The following SEMA3A variants were observed in gnomAD, a reference collection of about 807,000 sequenced individuals.
The protein encoded by SEMA3A is semaphorin 3A.
In SEMA3A, 29 loss-of-function variants were observed where a neutral mutation model predicts 97.9. The observed-to-expected ratio is 0.30, with a 90% CI of 0.22 to 0.40. The LOEUF is 0.40. Among genes scored for constraint, SEMA3A ranks in the 10% least tolerant of loss-of-function variants. SEMA3A has a pLI of 1.00. For synonymous variants in SEMA3A, 321 were observed against 323.7 expected (o/e 0.99, Z 0.09); for missense variants, 763 against 951.3 (o/e 0.80, Z 2.60).
chr7:84,442,184 T>C (rs1055192518), intron 1 of SEMA3A, among the ~76,000 whole-genome samples: 2 of 152,192 alleles, frequency 1.3e-5, no homozygotes, highest in Non-Finnish European at 2.9e-5. Flanking sequence ...ATTATGTATT[T>C]GCCTAAAACT....
At chr7:84,214,325 T>C (rs146869276) in intron 3 of SEMA3A, among the ~76,000 whole-genome samples, 50 of 152,318 alleles carry the variant, frequency 3.3e-4, no homozygotes, top group African/African-American at 1.1e-3. Flanking sequence ...TGGACTTACA[T>C]TGTATGTCTC....
intron 5 of SEMA3A, among the ~76,000 whole-genome samples, chr7:84,048,840 T>A (rs1190023451): frequency 6.6e-6 from 1 of 152,030 alleles, no homozygotes; most frequent in Non-Finnish European, 1.5e-5. Flanking sequence ...TCCATAATTA[T>A]GATGTTTATT....
chr7:84,439,242 G>A (rs562519767), intron 1 of SEMA3A, among the ~76,000 whole-genome samples: 14 of 152,096 alleles, frequency 9.2e-5, no homozygotes, highest in African/African-American at 3.4e-4. Context: ...TAGAGAGGGA[G>A]AATATGCACA....
chr7:84,122,026 G>C (rs1329478014), intron 3 of SEMA3A, among the ~76,000 whole-genome samples: 1 of 149,594 alleles, frequency 6.7e-6, no homozygotes, highest in Non-Finnish European at 1.5e-5. Context: ...TAATCCTTTG[G>C]GTATATACCC....
chr7:84,104,248 T>A lies in SEMA3A; in HGVS notation c.453+6222A>T, dbSNP rs79918095. Among the ~76,000 whole-genome samples, 1,325 of 152,242 alleles carry A rather than the reference T, an allele frequency of 8.7e-3. 22 individuals are homozygous for A. The highest frequency in any genetic ancestry group is 0.03 in the African/African-American group (1,266 of 41,576). On this transcript the variant is annotated intron_variant, in intron 4 of 16. Coordinates refer to ENST00000265362, the MANE Select transcript of SEMA3A (RefSeq NM_006080.3). ...TACTATAGATAATATATTATTTTAA[T>A]AGGTGATTGGGAATGGCATTATTGT...
chr7:84,033,789 G>C (rs1476183189), intron 6 of SEMA3A, among the ~76,000 whole-genome samples: 1 of 151,790 alleles, frequency 6.6e-6, no homozygotes, highest in Non-Finnish European at 1.5e-5. Flanking sequence ...AATACAACTG[G>C]GTGGGCCCTG....
At chr7:84,277,016 A>G (rs1288859019) in intron 3 of SEMA3A, among the ~76,000 whole-genome samples, 3 of 152,076 alleles carry the variant, frequency 2.0e-5, no homozygotes, top group Middle Eastern at 3.2e-3. Context: ...TTATGGCTTT[A>G]CATGTACCTA....
chr7:84,466,910 A>G (rs561334176), intron 1 of SEMA3A, among the ~76,000 whole-genome samples: 63 of 152,330 alleles, frequency 4.1e-4, no homozygotes, highest in Non-Finnish European at 7.9e-4. Flanking sequence ...CTCTTTTCAA[A>G]GAAAGTTCTT....
chr7:84,057,672 G>A (rs1481844735), intron 5 of SEMA3A, among the ~76,000 whole-genome samples: 1 of 151,980 alleles, frequency 6.6e-6, no homozygotes, highest in Non-Finnish European at 1.5e-5. Context: ...GGCTGAGGTA[G>A]GAGAATTGCT....
chr7:84,441,187 A>C (rs1468415666), intron 1 of SEMA3A, among the ~76,000 whole-genome samples: 2 of 151,632 alleles, frequency 1.3e-5, no homozygotes, highest in Admixed American at 1.3e-4. Flanking sequence ...ATAAAAATAA[A>C]AATAAAAAAA....
At chr7:84,135,940 T>C (rs1371356876) in intron 1 of SEMA3A, among the ~76,000 whole-genome samples, 2 of 152,208 alleles carry the variant, frequency 1.3e-5, no homozygotes, top group African/African-American at 4.8e-5. Context: ...AATATACCTA[T>C]ACTTTAGTGA....
chr7:84,131,756 TA>T (rs1311311147), intron 2 of SEMA3A, among the ~76,000 whole-genome samples: 2 of 147,318 alleles, frequency 1.4e-5, no homozygotes, highest in Non-Finnish European at 3.0e-5. Flanking sequence ...ACACTCCAAA[TA>T]TATGTATAAA....
chr7:84,044,202 C>T (rs74606358), intron 6 of SEMA3A, among the ~76,000 whole-genome samples: 3,027 of 151,850 alleles, frequency 0.02, 40 homozygotes, highest in Non-Finnish European at 0.029. Context: ...AATTTTGCCT[C>T]TGCACACATC....
chr7:84,265,916 T>C (rs1160145196), intron 3 of SEMA3A, among the ~76,000 whole-genome samples: 2 of 152,174 alleles, frequency 1.3e-5, no homozygotes, highest in Non-Finnish European at 2.9e-5. Flanking sequence ...GCTAGAAAAT[T>C]TTTAGGATTA....
chr7:84,263,452 T>G (rs2115670523), intron 3 of SEMA3A, among the ~76,000 whole-genome samples: 1 of 152,344 alleles, frequency 6.6e-6, no homozygotes, highest in South Asian at 2.1e-4. Context: ...TTTGCATTAC[T>G]TTTAGTTTCC....
chr7:84,339,636 T>C (rs955976318), intron 2 of SEMA3A, among the ~76,000 whole-genome samples: 3 of 152,200 alleles, frequency 2.0e-5, no homozygotes, highest in Non-Finnish European at 4.4e-5. Flanking sequence ...AGTTGAAGAA[T>C]ATAAGTGTGG....
In SEMA3A at chr7:84,129,123, C is replaced by T. The variant is rs188749255; in HGVS notation, c.333G>A (p.Leu111=). 3 of 1,607,014 alleles carry T rather than the reference C, an allele frequency of 1.9e-6. No homozygotes were observed. The highest frequency in any genetic ancestry group is 2.6e-6 in the Non-Finnish European group (3 of 1,173,844). The change falls in exon 3 of 17, where the codon CTG becomes CTA. Residue 111 remains leucine (L), a splice_region_variant and synonymous_variant. Coordinates refer to ENST00000265362, the MANE Select transcript of SEMA3A (RefSeq NM_006080.3). ...AATAATTTAGTAGGTTAATGCTTAC[C>T]AGGATGTCTTTTCCAGCCCACTTGC... The part of the protein sequence containing the change: ...DECKWAGKDI[L]KECANFIKVL...
chr7:84,485,903 T>G (rs963337890), intron 1 of SEMA3A, among the ~76,000 whole-genome samples: 3 of 152,192 alleles, frequency 2.0e-5, no homozygotes, highest in African/African-American at 7.2e-5. Flanking sequence ...AGAAATAGTA[T>G]TAATCAAATA....
intron 3 of SEMA3A, among the ~76,000 whole-genome samples, chr7:84,115,897 GAAGT>G (rs1038105023): frequency 6.6e-6 from 1 of 152,142 alleles, no homozygotes; most frequent in Non-Finnish European, 1.5e-5. Flanking sequence ...TGGTTTACAT[GAAGT>G]AAGGAGAGTT....
Sources: allele counts gnomAD v4.1 joint callset (sites outside exome capture counted in the v4.1 genomes callset), GRCh38; gene constraint gnomAD v4.1.1; transcripts MANE v1.5; gene names NCBI Gene and HGNC (gene_info 2026-07-23, HGNC 2026-07-21).